PPM1E: variants seen among roughly 807,000 people sequenced by gnomAD.
PPM1E encodes protein phosphatase, Mg2+/Mn2+ dependent 1E, also known as protein phosphatase 1E.
A neutral mutation model predicts 65.9 loss-of-function variants in PPM1E; 20 were observed. The observed-to-expected ratio is 0.30, with a 90% confidence interval of 0.21 to 0.44. PPM1E has a LOEUF of 0.44. Ranked by LOEUF, PPM1E falls within the 20% of genes least tolerant of loss-of-function variation. The probability of loss-of-function intolerance (pLI) is 1.00; values close to 1 mark genes in which losing one functional copy is unlikely to be tolerated. For missense variants in PPM1E, 713 were observed against 953.1 expected, an observed-to-expected ratio of 0.75 and a Z score of 3.32; for synonymous variants, 352 against 374.9, an observed-to-expected ratio of 0.94 and a Z score of 0.70.
intron 1 of PPM1E, among the ~76,000 whole-genome samples, chr17:58,806,343 AGGGAT>A (rs1182247864): frequency 6.6e-6 from 1 of 151,992 alleles, no homozygotes; most frequent in Non-Finnish European, 1.5e-5. Context: ...TATGTGGGAA[AGGGAT>A]GGATGTAAAA....
intron 1 of PPM1E, among the ~76,000 whole-genome samples, chr17:58,816,785 T>C (rs1654270695): frequency 1.8e-4 from 2 of 10,880 alleles, no homozygotes; most frequent in Non-Finnish European, 3.8e-4. Flanking sequence ...TATATATATA[T>C]ATATATATAT....
At position 58,981,733 on chromosome 17, in the gene PPM1E, A is replaced by G. The variant is rs1376254066; in HGVS notation, c.*702A>G. The G allele has an allele frequency of 7.5e-6, 1 of 133,308 alleles. No homozygotes were observed. Among genetic ancestry groups the G allele is most frequent in the Non-Finnish European group, 1.6e-5 (1 of 63,146 alleles). The allele number at this position is 133,308 out of a possible 1,614,324, so 8.3% of individuals were successfully genotyped here. A position where few individuals can be genotyped will look rare whatever the true frequency, so the allele number is the denominator to read the frequency against. ...AGGGCTGTAGTTATTTGGGAGTTTC[A>G]TAACCTGTTATGGTGCTTTTGGTGG... On this transcript the variant is annotated 3_prime_UTR_variant, in exon 7 of 7. Coordinates refer to ENST00000308249, the MANE Select transcript of PPM1E (RefSeq NM_014906.5).
intron 5 of PPM1E, 126 bp downstream of exon 5, chr17:58,972,401 A>G: frequency 9.6e-7 from 1 of 1,044,822 alleles, no homozygotes; most frequent in Non-Finnish European, 1.3e-6. Context: ...CCCAGGCTGG[A>G]GTGCAATGGT....
At chr17:58,971,173 C>T (rs776275955) in intron 4 of PPM1E, among the ~76,000 whole-genome samples, 4 of 152,140 alleles carry the variant, frequency 2.6e-5, no homozygotes, top group Non-Finnish European at 4.4e-5. Flanking sequence ...CTGTTCTCTC[C>T]AGGGCATATG....
At chr17:58,893,283 A>G (rs1177226133) in intron 1 of PPM1E, among the ~76,000 whole-genome samples, 1 of 152,254 alleles carries the variant, frequency 6.6e-6, no homozygotes, top group African/African-American at 2.4e-5. Context: ...CACTGAAAAG[A>G]AATGAGTCAT....
At chr17:58,978,067 T>A (rs999792245) in intron 6 of PPM1E, among the ~76,000 whole-genome samples, 2 of 152,228 alleles carry the variant, frequency 1.3e-5, no homozygotes, top group Non-Finnish European at 2.9e-5. Flanking sequence ...CTATAACAGA[T>A]ACTAGAAATA....
chr17:58,774,012 A>G (rs1043393654), intron 1 of PPM1E, among the ~76,000 whole-genome samples: 10 of 152,244 alleles, frequency 6.6e-5, no homozygotes, highest in Middle Eastern at 3.4e-3. Context: ...AAATACAAAA[A>G]TTAGCTGGGT....
intron 1 of PPM1E, among the ~76,000 whole-genome samples, chr17:58,779,372 CA>C (rs1598565690): frequency 6.6e-6 from 1 of 151,938 alleles, no homozygotes; most frequent in African/African-American, 2.4e-5. Context: ...GGGGTTTCAC[CA>C]TGTTTGCCAG....
chr17:58,914,939 T>C (rs1453253524), intron 1 of PPM1E, among the ~76,000 whole-genome samples: 2 of 152,090 alleles, frequency 1.3e-5, no homozygotes, highest in African/African-American at 2.4e-5. Flanking sequence ...AGTGTCCATA[T>C]GGGGGAGAGG....
chr17:58,803,455 A>G (rs1214547472), intron 1 of PPM1E, among the ~76,000 whole-genome samples: 1 of 152,084 alleles, frequency 6.6e-6, no homozygotes, highest in South Asian at 2.1e-4. Context: ...TAGTCTTTTT[A>G]ATGTGCTACT....
chr17:58,945,262 A>G (rs1305017654), intron 1 of PPM1E, among the ~76,000 whole-genome samples: 1 of 151,452 alleles, frequency 6.6e-6, no homozygotes, highest in Non-Finnish European at 1.5e-5. Context: ...CTCCTGCCTC[A>G]GCCTCCCGAG....
At chr17:58,792,276 A>C (rs1026108423) in intron 1 of PPM1E, among the ~76,000 whole-genome samples, 1 of 148,300 alleles carries the variant, frequency 6.7e-6, no homozygotes, top group Non-Finnish European at 1.5e-5. Context: ...AATTATTACT[A>C]TATGATATTA....
intron 1 of PPM1E, among the ~76,000 whole-genome samples, chr17:58,841,434 T>G (rs1325769018): frequency 1.3e-5 from 2 of 152,138 alleles, no homozygotes; most frequent in East Asian, 3.8e-4. Flanking sequence ...ATACCCTCAA[T>G]ATGCTATGAT....
intron 1 of PPM1E, among the ~76,000 whole-genome samples, chr17:58,819,812 G>A (rs2050462129): frequency 6.6e-6 from 1 of 152,036 alleles, no homozygotes; most frequent in Admixed American, 6.6e-5. Flanking sequence ...AGAGGTGGGT[G>A]GATCACCTGA....
intron 1 of PPM1E, among the ~76,000 whole-genome samples, chr17:58,799,344 G>A (rs1027999348): frequency 5.4e-5 from 8 of 149,024 alleles, no homozygotes; most frequent in Admixed American, 3.3e-4. Context: ...CAGTGGCGCC[G>A]TCAGGGCTCA....
intron 1 of PPM1E, among the ~76,000 whole-genome samples, chr17:58,796,282 T>C (rs982256802): frequency 5.9e-5 from 9 of 152,162 alleles, no homozygotes; most frequent in African/African-American, 2.2e-4. Flanking sequence ...TGGCCTCCCA[T>C]GATCCTCCCT....
At chr17:58,762,847 G>A (rs1328629340) in intron 1 of PPM1E, among the ~76,000 whole-genome samples, 2 of 146,778 alleles carry the variant, frequency 1.4e-5, no homozygotes, top group Admixed American at 1.4e-4. Flanking sequence ...GCAGTGAGCC[G>A]AGATCCCGCC....
At chr17:58,756,864 C>G (rs1170837090) in intron 1 of PPM1E, among the ~76,000 whole-genome samples, 1 of 152,220 alleles carries the variant, frequency 6.6e-6, no homozygotes, top group Non-Finnish European at 1.5e-5. Flanking sequence ...TCCCTTCTTT[C>G]TCCGGGAGGT....
At chr17:58,847,525 G>A (rs1325998263) in intron 1 of PPM1E, among the ~76,000 whole-genome samples, 2 of 152,104 alleles carry the variant, frequency 1.3e-5, no homozygotes, top group Non-Finnish European at 2.9e-5. Flanking sequence ...TATTAAATAG[G>A]GAATCCTTTC....
Sources: gnomAD v4.1 joint callset for allele counts (sites outside exome capture counted in the v4.1 genomes callset) on GRCh38, gnomAD v4.1.1 for gene constraint, MANE v1.5 for transcripts, NCBI Gene and HGNC (gene_info 2026-07-23, HGNC 2026-07-21) for gene names.